SEMA4B: variants seen among roughly 807,000 people sequenced by gnomAD.
SEMA4B encodes semaphorin 4B.
Under a neutral mutation model 88.1 loss-of-function variants are expected in SEMA4B, and 55 were observed. That is an observed-to-expected ratio of 0.62 (90% confidence interval 0.50 to 0.78). The LOEUF is 0.78. Ranked by LOEUF, SEMA4B falls within the 30% of genes least tolerant of loss-of-function variation. The pLI is 0.00. For missense variants in SEMA4B, 1,062 were observed against 1,111.9 expected (o/e 0.96, Z 0.64); for synonymous variants, 525 against 473.6 (o/e 1.11, Z -1.41).
At chr15:90,207,368 GC>G (rs1961046268) in intron 1 of SEMA4B, among the ~76,000 whole-genome samples, 1 of 152,164 alleles carries the variant, frequency 6.6e-6, no homozygotes, top group African/African-American at 2.4e-5. Context: ...CTAAAGAGGA[GC>G]CAAATTAGCC....
At chr15:90,202,929 A>ACT (rs1330764201) in intron 1 of SEMA4B, among the ~76,000 whole-genome samples, 4 of 152,112 alleles carry the variant, frequency 2.6e-5, no homozygotes, top group Non-Finnish European at 4.4e-5. Context: ...CCCTACCTGA[A>ACT]CCCCTGTCTG....
At chr15:90,223,786 T>C in intron 8 of SEMA4B, 46 bp downstream of exon 8, 1 of 1,606,110 alleles carries the variant, frequency 6.2e-7, no homozygotes. Context: ...GAAGGGTGGC[T>C]GGGACTGGGG....
At chr15:90,217,215 A>G (rs1035227977) in intron 1 of SEMA4B, 12 of 467,102 alleles carry the variant, frequency 2.6e-5, no homozygotes, top group African/African-American at 1.6e-4. Context: ...TGCCGTAGTA[A>G]GTATCCTTGT....
chr15:90,212,987 C>T lies in SEMA4B; in HGVS notation c.158-4452C>T, dbSNP rs1326674059. 1.3e-5 allele frequency among the ~76,000 whole-genome samples: 2 copies of T among 152,160 alleles called. No homozygotes were observed. Among genetic ancestry groups the T allele is most frequent in the African/African-American group, 2.4e-5 (1 of 41,424 alleles). On this transcript the variant is annotated intron_variant, in intron 1 of 13. Transcript: ENST00000411539. This position sits in a 1 kb window ranked among gnomAD's most constrained non-coding sequence, Gnocchi z 4.0. Reference sequence around the variant, plus strand: ...GCTCTCACCGGGCCGGATTTTCCTGCGGGGCTTTTGGATTTTGTTTTTGAG... The same window carrying T: ...GCTCTCACCGGGCCGGATTTTCCTGTGGGGCTTTTGGATTTTGTTTTTGAG...
At position 90,225,268 on chromosome 15, in the gene SEMA4B, T is replaced by C. The variant is rs1555424044; in HGVS notation, c.1406-14T>C. 2 of 1,555,376 alleles carry C rather than the reference T, an allele frequency of 1.3e-6. No individual in the cohort carries two copies. The highest frequency in any genetic ancestry group is 1.7e-6 in the Non-Finnish European group (2 of 1,149,448). ...TGGGCTCCACCCAGGGCCTGAGTCC[T>C]GTCCACACCCCAGGTGACGGCCGGC... On this transcript the variant is annotated splice_polypyrimidine_tract_variant and intron_variant, in intron 10 of 13. Coordinates refer to ENST00000411539, the MANE Select transcript of SEMA4B (RefSeq NM_198925.4).
chr15:90,221,252 T>C, intron 5 of SEMA4B, 115 bp from the exon 6 acceptor site: 2 of 1,162,252 alleles, frequency 1.7e-6, no homozygotes, highest in Non-Finnish European at 2.5e-6. Flanking sequence ...AAGTTCCAGC[T>C]TCCTTCTCTG....
intron 7 of SEMA4B, among the ~76,000 whole-genome samples, 176 bp downstream of exon 7, chr15:90,221,941 T>C (rs1028946464): frequency 2.6e-5 from 4 of 151,986 alleles, no homozygotes; most frequent in Admixed American, 6.6e-5. Context: ...TTCTTTTTTT[T>C]TTTTCTTTTT....
chr15:90,218,539 G>A (rs376234638), intron 3 of SEMA4B, among the ~76,000 whole-genome samples: 8 of 152,232 alleles, frequency 5.3e-5, no homozygotes, highest in Non-Finnish European at 1.2e-4. Flanking sequence ...TGTAATCCCA[G>A]CACTTCGGGA....
intron 1 of SEMA4B, among the ~76,000 whole-genome samples, chr15:90,205,324 C>T (rs750702430): frequency 6.6e-6 from 1 of 152,182 alleles, no homozygotes; most frequent in Non-Finnish European, 1.5e-5. Flanking sequence ...GCCCTCAGCC[C>T]GGTTACTGGC....
rs778062774 is a variant in SEMA4B at position 90,208,254 on chromosome 15, C to CA, written c.157+6532dup. On this transcript the variant is annotated intron_variant, in intron 1 of 13. Coordinates refer to ENST00000411539, the MANE Select transcript of SEMA4B (RefSeq NM_198925.4). ...GGAAGACAAGAGCAAAACTCCATCTCAAAAAAAAAAAAAGAAAGAAAAATT... is the reference window on the plus strand; with the variant it reads ...GGAAGACAAGAGCAAAACTCCATCTCAAAAAAAAAAAAAAGAAAGAAAAATT... Among the ~76,000 whole-genome samples, 664 of 122,232 alleles carry CA rather than the reference C, an allele frequency of 5.4e-3. 3 individuals carry two copies. Among genetic ancestry groups the CA allele is most frequent in the African/African-American group, 0.013 (440 of 33,100 alleles). 80.2% of individuals were successfully genotyped at this position (122,232 alleles called of 152,430 possible).
At chr15:90,190,728 T>C (rs1384873053) in intron 1 of SEMA4B, among the ~76,000 whole-genome samples, 1 of 152,134 alleles carries the variant, frequency 6.6e-6, no homozygotes, top group African/African-American at 2.4e-5. Flanking sequence ...TGTGTGTCTG[T>C]GTGTGTCTGT....
At chr15:90,227,503 A>T (rs751276902) in intron 12 of SEMA4B, 54 bp from the exon 13 acceptor site, 1 of 1,553,508 alleles carries the variant, frequency 6.4e-7, no homozygotes, top group African/African-American at 1.4e-5. Flanking sequence ...GGGGTGAGGG[A>T]ATGTGAGCTC....
At chr15:90,193,271 TTC>T (rs1297950809) in intron 1 of SEMA4B, 1 of 152,242 alleles carries the variant, frequency 6.6e-6, no homozygotes, top group Non-Finnish European at 1.5e-5. Context: ...CAGGAGATTT[TTC>T]TCTGTCAGTG....
At chr15:90,217,394 C>T in intron 1 of SEMA4B, 45 bp from the exon 2 acceptor site, 1 of 1,579,096 alleles carries the variant, frequency 6.3e-7, no homozygotes, top group Non-Finnish European at 8.6e-7. Context: ...AGAGGCTTCC[C>T]ATGGGAGGGG....
rs1961703249 is a variant in SEMA4B, at chr15:90,219,663, T to C, written c.385-130T>C. Reference sequence around the variant, plus strand: ...AGAAAACCCGTGGGTTCTTTGTTCCTAGACTTGAGTGCCCCATCCCCAGTC... The same window carrying C: ...AGAAAACCCGTGGGTTCTTTGTTCCCAGACTTGAGTGCCCCATCCCCAGTC... On this transcript the variant is annotated intron_variant, in intron 3 of 13. Coordinates refer to ENST00000411539, the MANE Select transcript of SEMA4B (RefSeq NM_198925.4). The C allele has an allele frequency of 7.6e-6, 5 of 656,178 alleles. No homozygotes were observed. In the South Asian group the frequency reaches 7.6e-5, roughly 10 times the overall value. The allele number at this position is 656,178 out of a possible 1,614,324, so 40.6% of individuals were successfully genotyped here. A position where few individuals can be genotyped will look rare whatever the true frequency, so the allele number is the denominator to read the frequency against.
upstream of SEMA4B, among the ~76,000 whole-genome samples, chr15:90,200,794 G>A (rs1223191263): frequency 6.6e-6 from 1 of 152,216 alleles, no homozygotes; most frequent in Non-Finnish European, 1.5e-5. Flanking sequence ...AGCCCGCAGG[G>A]TGCCTAGACT....
intron 5 of SEMA4B, 124 bp from the exon 6 acceptor site, chr15:90,221,243 A>G: frequency 8.7e-7 from 1 of 1,151,912 alleles, no homozygotes; most frequent in Non-Finnish European, 1.3e-6. Flanking sequence ...GGTTTTTCCA[A>G]GTTCCAGCTT....
chr15:90,220,997 A>T lies in SEMA4B; in HGVS notation c.499A>T (p.Thr167Ser). The stretch of plus-strand genomic sequence containing the variant: ...CCTCCTGCAGAACATGGAGAACTTC[A>T]CCCTGGCAAGGGACGAGAAGGGGAA... ...MCTYINMENF[T>S]LARDEKGNVL... Residue 167 changes from threonine (T) to serine (S), a missense_variant, in exon 5 of 14, where the codon ACC becomes TCC. Thr to Ser is a moderately conservative substitution (Grantham distance 58). Transcript: ENST00000411539. The T allele has an allele frequency of 6.2e-7, 1 of 1,607,996 alleles. No individual in the cohort carries two copies. The highest frequency in any genetic ancestry group is 1.7e-4 in the Middle Eastern group (1 of 6,054).
chr15:90,223,823 T>G lies in SEMA4B; in HGVS notation c.1044-15T>G. 2 of 1,613,486 alleles carry G rather than the reference T, an allele frequency of 1.2e-6. No individual in the cohort carries two copies. Among genetic ancestry groups the G allele is most frequent in the Non-Finnish European group, 8.5e-7 (1 of 1,179,562 alleles). On this transcript the variant is annotated splice_polypyrimidine_tract_variant and intron_variant, in intron 8 of 13. Coordinates refer to ENST00000411539, the MANE Select transcript of SEMA4B (RefSeq NM_198925.4). ...CCCCAGGGCTCCTGGGTTAATCTGG[T>G]TATTTCCTCTGCAGGCACAGGGGAA... is the stretch of plus-strand genomic sequence containing the variant.
Sources: gnomAD v4.1 joint callset for allele counts (sites outside exome capture counted in the v4.1 genomes callset) on GRCh38, gnomAD v4.1.1 for gene constraint, Gnocchi (gnomAD v3.1) non-coding constraint, MANE v1.5 for transcripts, NCBI Gene and HGNC (gene_info 2026-07-23, HGNC 2026-07-21) for gene names.